Variants in ARID2 observed in about 807,000 individuals in gnomAD.
The protein encoded by ARID2 is AT-rich interaction domain 2.
A neutral mutation model predicts 184.6 loss-of-function variants in ARID2; 32 were observed. The observed-to-expected ratio is 0.17, with a 90% CI of 0.13 to 0.23. ARID2 has a LOEUF of 0.23. ARID2 is among the 10% of genes least tolerant of loss of function. The probability of loss-of-function intolerance (pLI) is 1.00; values close to 1 mark genes in which losing one functional copy is unlikely to be tolerated. For missense variants in ARID2, 1,696 were observed against 2,197.6 expected, an observed-to-expected ratio of 0.77 and a Z score of 4.56; for synonymous variants, 836 against 772.6, an observed-to-expected ratio of 1.08 and a Z score of -1.36.
chr12:45,886,661 C>T (rs1366045403), intron 16 of ARID2, among the ~76,000 whole-genome samples: 11 of 152,142 alleles, frequency 7.2e-5, no homozygotes, highest in Admixed American at 5.9e-4. Flanking sequence ...CCCAAACATC[C>T]TCTGAAATCT....
At chr12:45,760,486 CG>C (rs1941654336) in intron 3 of ARID2, among the ~76,000 whole-genome samples, 1 of 151,324 alleles carries the variant, frequency 6.6e-6, no homozygotes, top group South Asian at 2.1e-4. Flanking sequence ...GTTTTTTCTG[CG>C]TGTGTGTTTT....
At chr12:45,890,752 G>A (rs559171672) in intron 16 of ARID2, among the ~76,000 whole-genome samples, 6 of 151,744 alleles carry the variant, frequency 4.0e-5, no homozygotes, top group African/African-American at 1.5e-4. Flanking sequence ...CATTCCTGAA[G>A]GAATATTAAT....
Position 45,745,536 on chromosome 12 carries a change from A to G in ARID2, c.284+14222A>G, listed in dbSNP as rs531346187. On this transcript the variant is annotated intron_variant, in intron 3 of 20. Coordinates refer to ENST00000334344, the MANE Select transcript of ARID2 (RefSeq NM_152641.4). ...ATCAGAGATTTCTTTGCTATATAAAACGGGGCCTTTATTTATTATTATTAT... is the reference window on the plus strand; with the variant it reads ...ATCAGAGATTTCTTTGCTATATAAAGCGGGGCCTTTATTTATTATTATTAT... Among the ~76,000 whole-genome samples, 47 of 152,168 alleles carry G rather than the reference A, an allele frequency of 3.1e-4. No homozygotes were observed. In the South Asian group the frequency reaches 9.3e-3, roughly 30 times the overall value.
intron 3 of ARID2, among the ~76,000 whole-genome samples, chr12:45,751,379 T>TAG (rs1250224236): frequency 6.6e-6 from 1 of 152,134 alleles, no homozygotes. Flanking sequence ...TGGAGATGAA[T>TAG]AGATCAGAGA....
chr12:45,804,256 T>G (rs1942558358), intron 3 of ARID2, among the ~76,000 whole-genome samples: 1 of 152,138 alleles, frequency 6.6e-6, no homozygotes, highest in Non-Finnish European at 1.5e-5. Flanking sequence ...CTGAGATTCT[T>G]CATTAATTAA....
At chr12:45,885,361 A>G (rs1220788945) in intron 16 of ARID2, among the ~76,000 whole-genome samples, 1 of 152,070 alleles carries the variant, frequency 6.6e-6, no homozygotes, top group African/African-American at 2.4e-5. Flanking sequence ...TCTCACATAT[A>G]CATTTATGTG....
At chr12:45,900,916 TAGAAA>T (rs1406514719) in intron 20 of ARID2, among the ~76,000 whole-genome samples, 1 of 152,092 alleles carries the variant, frequency 6.6e-6, no homozygotes, top group East Asian at 1.9e-4. Flanking sequence ...TTCCCCCCTC[TAGAAA>T]CTGTTGTGAT....
chr12:45,739,855 G>C (rs1166149267), intron 3 of ARID2, among the ~76,000 whole-genome samples: 2 of 152,116 alleles, frequency 1.3e-5, no homozygotes. Flanking sequence ...CATAGCTAGG[G>C]CCCTGTCCAG....
At chr12:45,734,947 T>A (rs1396847633) in intron 3 of ARID2, among the ~76,000 whole-genome samples, 2 of 152,228 alleles carry the variant, frequency 1.3e-5, no homozygotes, top group Admixed American at 1.3e-4. Context: ...GGGTGAAATA[T>A]CTTGGACATT....
At chr12:45,773,858 A>G (rs968807957) in intron 3 of ARID2, among the ~76,000 whole-genome samples, 1 of 152,184 alleles carries the variant, frequency 6.6e-6, no homozygotes, top group Non-Finnish European at 1.5e-5. Context: ...TTTGCAAGAA[A>G]TAGACTTAGT....
At position 45,733,816 on chromosome 12, in the gene ARID2, G is replaced by A. The variant is rs368713195; in HGVS notation, c.284+2502G>A. ...ATTAAATATAGACTTGAGTATTAAT[G>A]GTCTGCCAGACATTAACTTAATTTT... On this transcript the variant is annotated intron_variant, in intron 3 of 20. Transcript: ENST00000334344. 2.3e-3 allele frequency among the ~76,000 whole-genome samples: 343 copies of A among 152,084 alleles called. 12 individuals are homozygous for A. The South Asian group carries it at 0.067, about 30-fold the overall frequency.
intron 3 of ARID2, among the ~76,000 whole-genome samples, chr12:45,767,902 C>A (rs768241405): frequency 6.6e-6 from 1 of 152,146 alleles, no homozygotes; most frequent in Non-Finnish European, 1.5e-5. Context: ...AGTGCACTTT[C>A]AACAGGACAG....
At chr12:45,894,218 G>A (rs1944338960) in intron 20 of ARID2, among the ~76,000 whole-genome samples, 1 of 152,160 alleles carries the variant, frequency 6.6e-6, no homozygotes, top group Non-Finnish European at 1.5e-5. Flanking sequence ...ACAGAAACTA[G>A]GAGGGATAAC....
chr12:45,884,260 G>A (rs953803735), intron 16 of ARID2, among the ~76,000 whole-genome samples: 3 of 152,118 alleles, frequency 2.0e-5, no homozygotes, highest in African/African-American at 7.2e-5. Flanking sequence ...GCTGGGCATG[G>A]TGGCAGGTGC....
At position 45,891,852 on chromosome 12, in the gene ARID2, G is replaced by A. The variant is rs141708323; in HGVS notation, c.4995G>A (p.Gly1665=). The part of the protein sequence containing the change: ...TEHGGKDVYP[G]QCLWEGCEPF... Reference sequence around the variant, plus strand: ...ATGGAGGAAAAGATGTATATCCAGGGCAGTGTCTTTGGGAAGGTTGTGAGC... The same window carrying A: ...ATGGAGGAAAAGATGTATATCCAGGACAGTGTCTTTGGGAAGGTTGTGAGC... Residue 1665 remains glycine, a synonymous_variant, in exon 17 of 21, where the codon GGG becomes GGA. Coordinates refer to ENST00000334344, the MANE Select transcript of ARID2 (RefSeq NM_152641.4). 6.2e-7 allele frequency: 1 copy of A among 1,614,172 alleles called. No individual in the cohort carries two copies. Among genetic ancestry groups the A allele is most frequent in the Admixed American group, 1.7e-5 (1 of 60,016 alleles).
At position 45,850,417 on chromosome 12, in the gene ARID2, A is replaced by G; in HGVS notation, c.2294A>G (p.His765Arg). ...GTGAATTCTCAGACATTGCTTCACC[A>G]TCCATCTGTAATTCCACAGCAGTCT... The part of the protein sequence containing the change: ...TVVNSQTLLH[H>R]PSVIPQQSPL... Residue 765 changes from histidine (H) to arginine (R), a missense_variant, in exon 15 of 21, where the codon CAT becomes CGT. Physicochemically the swap from His to Arg is conservative, Grantham distance 29. This residue lies in a region of ARID2 where 713 missense variants were observed against 824.4 expected (regional missense o/e 0.86). Transcript: ENST00000334344. The G allele has an allele frequency of 6.2e-7, 1 of 1,614,082 alleles. No homozygotes were observed. Among genetic ancestry groups the G allele is most frequent in the Non-Finnish European group, 8.5e-7 (1 of 1,179,984 alleles).
chr12:45,815,040 T>G (rs1942780825), intron 4 of ARID2, among the ~76,000 whole-genome samples: 1 of 152,216 alleles, frequency 6.6e-6, no homozygotes, highest in African/African-American at 2.4e-5. Flanking sequence ...GTCATTCTGG[T>G]AAGGATGTAT....
Position 45,837,296 on chromosome 12 carries a change from A to G in ARID2, c.1024-25A>G, listed in dbSNP as rs371260618. The G allele has an allele frequency of 9.0e-6, 14 of 1,550,036 alleles. No homozygotes were observed. The African/African-American group carries it at 1.1e-4, about 12-fold the overall frequency. Reference sequence around the variant, plus strand: ...ACAACTCTGGAAGAAGCATAGCTCAATAATAGTGTTGTTTCTTTTTCCAGC... The same window carrying G: ...ACAACTCTGGAAGAAGCATAGCTCAGTAATAGTGTTGTTTCTTTTTCCAGC... On this transcript the variant is annotated intron_variant, in intron 8 of 20. Coordinates refer to ENST00000334344, the MANE Select transcript of ARID2 (RefSeq NM_152641.4).
chr12:45,906,790 T>C lies in ARID2; in HGVS notation c.*1712T>C, dbSNP rs1944535628. 1 of 232,062 alleles carries C rather than the reference T, an allele frequency of 4.3e-6. No homozygotes were observed. 14.4% of individuals were successfully genotyped at this position (232,062 alleles called of 1,614,324 possible). A position where few individuals can be genotyped will look rare whatever the true frequency, so the allele number is the denominator to read the frequency against. On this transcript the variant is annotated 3_prime_UTR_variant, in exon 21 of 21. Coordinates refer to ENST00000334344, the MANE Select transcript of ARID2 (RefSeq NM_152641.4). ...GCAAATGTAGAGAACAGCAAATGAT[T>C]GATGCAGTTAAAGCTCAATATGCCT...
Sources: allele counts gnomAD v4.1 joint callset (sites outside exome capture counted in the v4.1 genomes callset), GRCh38; gene constraint gnomAD v4.1.1; regional missense constraint gnomAD v4.1.1; transcripts MANE v1.5; gene names NCBI Gene and HGNC (gene_info 2026-07-23, HGNC 2026-07-21).